The following PARP11 variants were observed in gnomAD, a reference collection of about 807,000 sequenced individuals.
PARP11 encodes the protein protein mono-ADP-ribosyltransferase PARP11.
In PARP11, 31 loss-of-function variants were observed where a neutral mutation model predicts 42.9. The ratio of observed to expected loss-of-function variants is 0.72; its 90% CI spans 0.54 to 0.98. PARP11 has a LOEUF of 0.98. Among genes scored for constraint, PARP11 ranks in the 50% least tolerant of loss-of-function variants. PARP11 has a pLI of 0.00. For missense variants in PARP11, 365 were observed against 413.1 expected, an observed-to-expected ratio of 0.88 and a Z score of 1.01; for synonymous variants, 137 against 127.3, an observed-to-expected ratio of 1.08 and a Z score of -0.51.
At chr12:3,831,012 G>T (rs1383577783) in intron 1 of PARP11, among the ~76,000 whole-genome samples, 1 of 152,100 alleles carries the variant, frequency 6.6e-6, no homozygotes, top group African/African-American at 2.4e-5. Context: ...CAAAGAGGCT[G>T]GTCAAAGAAA....
intron 1 of PARP11, among the ~76,000 whole-genome samples, chr12:3,845,463 A>G (rs1459358269): frequency 3.9e-5 from 6 of 152,202 alleles, no homozygotes; most frequent in African/African-American, 9.6e-5. Context: ...ACTTGGTGCA[A>G]TAAAGTTCCT....
intron 1 of PARP11, chr12:3,842,288 C>T: frequency 3.1e-6 from 5 of 1,600,116 alleles, no homozygotes; most frequent in Non-Finnish European, 4.3e-6. Context: ...AGTGGTAGAT[C>T]CAAGCAGTTC....
rs1417077072 is a variant in PARP11, at chr12:3,821,918, C to A, written c.503G>T (p.Arg168Ile). The change falls in exon 6 of 8, where the codon AGA (arginine) becomes ATA (isoleucine). Residue 168 changes from arginine to isoleucine, a missense_variant. Transcript: ENST00000228820. ...GKTMDRNRIK[R>I]IQRIQNLDLW... ...ATCTAGGTTTTGAATTCTCTGAATT[C>A]TTTTAATTCGGTTGCGATCCATCGT... is the stretch of plus-strand genomic sequence containing the variant. The A allele has an allele frequency of 2.5e-6, 4 of 1,609,994 alleles. No homozygotes were observed. The highest frequency in any genetic ancestry group is 3.4e-6 in the Non-Finnish European group (4 of 1,179,122).
intron 1 of PARP11, chr12:3,839,369 C>G: frequency 1.3e-6 from 2 of 1,543,166 alleles, no homozygotes; most frequent in Non-Finnish European, 1.7e-6. Flanking sequence ...GAGGACGCGA[C>G]GCCCATGGAC....
intron 1 of PARP11, among the ~76,000 whole-genome samples, chr12:3,864,827 T>C (rs190269088): frequency 6.6e-5 from 10 of 152,318 alleles, no homozygotes; most frequent in African/African-American, 2.2e-4. Context: ...AATTTATTAA[T>C]AGTCTTGATG....
chr12:3,859,097 C>CA (rs750995549), intron 1 of PARP11, among the ~76,000 whole-genome samples: 127 of 89,130 alleles, frequency 1.4e-3, no homozygotes, highest in East Asian at 4.2e-3. Flanking sequence ...GACTCCATCT[C>CA]AAAAAAAAAA....
intron 1 of PARP11, among the ~76,000 whole-genome samples, chr12:3,849,954 A>G (rs552234677): frequency 6.6e-6 from 1 of 152,284 alleles, no homozygotes; most frequent in African/African-American, 2.4e-5. Flanking sequence ...TCGATTATGT[A>G]TCAACTTTTT....
intron 6 of PARP11, among the ~76,000 whole-genome samples, chr12:3,820,304 G>A (rs1363541218): frequency 1.3e-5 from 2 of 152,158 alleles, no homozygotes; most frequent in Non-Finnish European, 2.9e-5. Context: ...TATATGGTGA[G>A]TCATAGGTTA....
Position 3,812,059 on chromosome 12 carries a change from G to A in PARP11, c.*64C>T. ...ATTAACATTTAGTGGCTAGATGACT[G>A]AAGAGCAAACCTTCCTGCAAAAAAG... On this transcript the variant is annotated 3_prime_UTR_variant, in exon 8 of 8. Coordinates refer to ENST00000228820, the MANE Select transcript of PARP11 (RefSeq NM_020367.6). 8.0e-7 allele frequency: 1 copy of A among 1,255,978 alleles called. No individual in the cohort carries two copies. 77.8% of individuals were successfully genotyped at this position (1,255,978 alleles called of 1,614,324 possible).
rs976713265 is a variant in PARP11, at chr12:3,840,946, G to A, written c.19-10928C>T. ...AACTCCTGCAGTGCCTTCTTTACCAGCCACTGTGCCAGCCTGGCCAAGTGA... is the reference window on the plus strand; with the variant it reads ...AACTCCTGCAGTGCCTTCTTTACCAACCACTGTGCCAGCCTGGCCAAGTGA... On this transcript the variant is annotated intron_variant, in intron 1 of 7. Coordinates refer to ENST00000228820, the MANE Select transcript of PARP11 (RefSeq NM_020367.6). The surrounding 1 kb of genome is among the most constrained non-coding windows in gnomAD (Gnocchi z 4.4). 1.2e-6 allele frequency: 2 copies of A among 1,607,250 alleles called. No homozygotes were observed. The highest frequency in any genetic ancestry group is 1.7e-6 in the Non-Finnish European group (2 of 1,173,912).
At chr12:3,871,276 T>C (rs1296889427) in intron 1 of PARP11, among the ~76,000 whole-genome samples, 1 of 152,236 alleles carries the variant, frequency 6.6e-6, no homozygotes, top group Non-Finnish European at 1.5e-5. Context: ...AGGAGTAGTT[T>C]CTTATGTTTC....
At chr12:3,873,154 C>T (rs1948525408) in intron 1 of PARP11, 58 bp downstream of exon 1, 12 of 1,421,224 alleles carry the variant, frequency 8.4e-6, no homozygotes, top group Non-Finnish European at 1.2e-5. Flanking sequence ...GACCCCCTCC[C>T]GCCCCTCTCT....
chr12:3,818,578 T>A (rs909576041), intron 6 of PARP11, among the ~76,000 whole-genome samples: 1 of 152,176 alleles, frequency 6.6e-6, no homozygotes, highest in African/African-American at 2.4e-5. Flanking sequence ...ATAACAATAA[T>A]CCCACATTAG....
At position 3,809,871 on chromosome 12, in the gene PARP11, T is replaced by C. The variant is rs1013868246; in HGVS notation, c.*2252A>G. 6.6e-6 allele frequency: 1 copy of C among 152,214 alleles called. No individual in the cohort carries two copies. The highest frequency in any genetic ancestry group is 1.5e-5 in the Non-Finnish European group (1 of 68,034). The allele number at this position is 152,214 out of a possible 1,614,324, so 9.4% of individuals were successfully genotyped here. A position where few individuals can be genotyped will look rare whatever the true frequency, so the allele number is the denominator to read the frequency against. On this transcript the variant is annotated 3_prime_UTR_variant, in exon 8 of 8. Transcript: ENST00000228820. ...TGCTTTTTAAAGCGCTTTTTCTAAATATTCTCAGCACTTCATCTAAACCAG... is the reference window on the plus strand; with the variant it reads ...TGCTTTTTAAAGCGCTTTTTCTAAACATTCTCAGCACTTCATCTAAACCAG...
chr12:3,857,469 C>T (rs952275650), intron 1 of PARP11, among the ~76,000 whole-genome samples: 9 of 151,974 alleles, frequency 5.9e-5, no homozygotes, highest in African/African-American at 2.2e-4. Context: ...AGAAAGACAC[C>T]AATTACAGCT....
intron 1 of PARP11, among the ~76,000 whole-genome samples, chr12:3,868,751 A>C (rs1327236811): frequency 6.6e-6 from 1 of 152,116 alleles, no homozygotes; most frequent in East Asian, 1.9e-4. Context: ...CACATAGTCC[A>C]AGTCACCTTC....
At chr12:3,841,984 G>A (rs1947897468) in intron 1 of PARP11, 1 of 1,610,732 alleles carries the variant, frequency 6.2e-7, no homozygotes, top group Non-Finnish European at 8.5e-7. Flanking sequence ...AGGCCGGACA[G>A]AGCAATCTTC....
intron 7 of PARP11, 91 bp downstream of exon 7, chr12:3,813,946 C>A: frequency 1.1e-6 from 1 of 901,874 alleles, no homozygotes; most frequent in Non-Finnish European, 1.6e-6. Flanking sequence ...ATATATTTGC[C>A]ATAAAGCAGT....
At position 3,873,324 on chromosome 12, in the gene PARP11, G is replaced by A; in HGVS notation, c.-95C>T. On this transcript the variant is annotated 5_prime_UTR_variant, in exon 1 of 8. Coordinates refer to ENST00000228820, the MANE Select transcript of PARP11 (RefSeq NM_020367.6). ...TTTTTTTTCCCGCGGGTCCCCGGGA[G>A]CGAAGGGACGGAGATGCAACCTTTA... 8.2e-7 allele frequency: 1 copy of A among 1,212,842 alleles called. No individual in the cohort carries two copies. The highest frequency in any genetic ancestry group is 1.2e-6 in the Non-Finnish European group (1 of 839,048). The allele number at this position is 1,212,842 out of a possible 1,614,324, so 75.1% of individuals were successfully genotyped here.
Sources: allele counts gnomAD v4.1 joint callset (sites outside exome capture counted in the v4.1 genomes callset), GRCh38; gene constraint gnomAD v4.1.1; non-coding constraint Gnocchi (gnomAD v3.1); transcripts MANE v1.5; gene names NCBI Gene and HGNC (gene_info 2026-07-23, HGNC 2026-07-21).